Variants in LIPA observed in about 807,000 individuals in gnomAD.
The protein encoded by LIPA is lysosomal acid lipase/cholesteryl ester hydrolase.
LIPA carries 26 observed loss-of-function variants against 40.6 expected under a neutral mutation model. That is an observed-to-expected ratio of 0.64 (90% CI 0.47 to 0.89). The LOEUF (loss-of-function observed/expected upper bound fraction) is 0.89. Among genes scored for constraint, LIPA ranks in the 40% least tolerant of loss-of-function variants. The pLI is 0.00. For missense variants in LIPA, 455 were observed against 479.6 expected (o/e 0.95, Z 0.48); for synonymous variants, 188 against 168.4 (o/e 1.12, Z -0.90).
chr10:89,362,741 A>G, intron 2 of LIPA: 4 of 743,500 alleles, frequency 5.4e-6, no homozygotes, highest in Non-Finnish European at 6.3e-6. Context: ...ACTGTGAGGA[A>G]GGATGGGCCT....
intron 2 of LIPA, among the ~76,000 whole-genome samples, chr10:89,355,651 G>A (rs980885728): frequency 1.3e-5 from 2 of 152,204 alleles, no homozygotes; most frequent in Admixed American, 1.3e-4. Flanking sequence ...TAGGAGGTCA[G>A]GACAAGATAC....
chr10:89,385,370 A>G (rs1844203363), intron 2 of LIPA, among the ~76,000 whole-genome samples: 1 of 152,132 alleles, frequency 6.6e-6, no homozygotes, highest in South Asian at 2.1e-4. Context: ...CTGCGGCAGG[A>G]GCATCTATTC....
At chr10:89,408,747 T>C (rs188155904) in intron 2 of LIPA, among the ~76,000 whole-genome samples, 3 of 152,294 alleles carry the variant, frequency 2.0e-5, no homozygotes, top group Admixed American at 6.5e-5. Context: ...ATGCTAGTGG[T>C]AGATCAAACC....
intron 1 of LIPA, among the ~76,000 whole-genome samples, chr10:89,330,369 G>A (rs918164587): frequency 1.3e-5 from 2 of 152,210 alleles, no homozygotes; most frequent in African/African-American, 2.4e-5. Context: ...ATTAATGGAG[G>A]CACCAAACTC....
rs189367014 is a variant in LIPA at position 89,333,164 on chromosome 10, G to T, written c.-2+9447C>A. On this transcript the variant is annotated intron_variant, in intron 1 of 5. Coordinates refer to the LIPA transcript ENST00000282673. Reference sequence around the variant, plus strand: ...ATATGTCTACTTGAGTTGTCCTCTAGCAGGTCTAGTGACCTGCTAAGCCTC... The same window carrying T: ...ATATGTCTACTTGAGTTGTCCTCTATCAGGTCTAGTGACCTGCTAAGCCTC... Among the ~76,000 whole-genome samples the T allele has an allele frequency of 5.4e-3, 819 of 152,236 alleles. 1 individual carries two copies. The highest frequency in any genetic ancestry group is 0.011 in the Admixed American group (170 of 15,294).
rs11599571 is a variant in LIPA, at chr10:89,268,260, C to G, written c.-1-20611G>C. On this transcript the variant is annotated intron_variant, in intron 1 of 5. Coordinates refer to the LIPA transcript ENST00000282673. ...GTGCAAACTAGTGTAAGATTTTTAA[C>G]TTCTTCTTGAGTTAGAGTTCTCTTC... is the stretch of plus-strand genomic sequence containing the variant. 9.1e-3 allele frequency among the ~76,000 whole-genome samples: 1,391 copies of G among 152,328 alleles called. 13 individuals are homozygous for G. Among genetic ancestry groups the G allele is most frequent in the Middle Eastern group, 0.02 (6 of 294 alleles).
intron 1 of LIPA, among the ~76,000 whole-genome samples, chr10:89,293,825 T>G (rs1843392786): frequency 6.6e-6 from 1 of 152,182 alleles, no homozygotes; most frequent in Non-Finnish European, 1.5e-5. Context: ...TAACCTTAAA[T>G]ACCTCCTCAC....
At chr10:89,252,195 C>T (rs1467920465), upstream of LIPA, 1 of 152,202 alleles carries the variant, frequency 6.6e-6, no homozygotes, top group African/African-American at 2.4e-5. Context: ...CCATTTAAAG[C>T]GCTTATCATT....
intron 1 of LIPA, among the ~76,000 whole-genome samples, chr10:89,329,185 A>G (rs1843626506): frequency 6.6e-6 from 1 of 152,186 alleles, no homozygotes; most frequent in African/African-American, 2.4e-5. Flanking sequence ...GCAGAAAAGG[A>G]AAACTGGATT....
At chr10:89,298,425 A>G (rs530427588) in intron 1 of LIPA, among the ~76,000 whole-genome samples, 3 of 152,346 alleles carry the variant, frequency 2.0e-5, no homozygotes, top group Non-Finnish European at 4.4e-5. Flanking sequence ...ATCACAGCCA[A>G]ATAAATTGTA....
rs555434177 is a variant in LIPA, at chr10:89,403,102, A to T, written c.61+9689T>A. The T allele has an allele frequency of 1.5e-5, 25 of 1,614,188 alleles. No homozygotes were observed. The South Asian group carries it at 2.5e-4, about 16-fold the overall frequency. On this transcript the variant is annotated intron_variant, in intron 2 of 8. Transcript: ENST00000371837. ...GATAAAGCTCTTGAGTTATTAAAAA[A>T]GGCCTTGCAGGAAACACCCACTTCT...
chr10:89,234,799 C>T (rs985133066), intron 3 of LIPA, among the ~76,000 whole-genome samples: 2 of 152,254 alleles, frequency 1.3e-5, no homozygotes, highest in African/African-American at 4.8e-5. Context: ...TTGCTGAGAA[C>T]AGCTGATTGA....
intron 1 of LIPA, chr10:89,306,776 T>C: frequency 6.2e-7 from 1 of 1,614,126 alleles, no homozygotes; most frequent in Non-Finnish European, 8.5e-7. Context: ...TAAAAAGGCT[T>C]TAGAATACAT....
chr10:89,411,015 A>G (rs1194359710), intron 2 of LIPA, among the ~76,000 whole-genome samples: 1 of 152,274 alleles, frequency 6.6e-6, no homozygotes, highest in African/African-American at 2.4e-5. Context: ...TTTAAAAGCC[A>G]GGGTAAATTT....
At chr10:89,395,522 C>T (rs189056967) in intron 2 of LIPA, among the ~76,000 whole-genome samples, 8 of 152,218 alleles carry the variant, frequency 5.3e-5, no homozygotes, top group African/African-American at 7.2e-5. Flanking sequence ...GACCAACACA[C>T]TCAAACTCTT....
At chr10:89,339,293 T>C (rs1302459440) in intron 1 of LIPA, 2 of 1,614,128 alleles carry the variant, frequency 1.2e-6, no homozygotes, top group Admixed American at 3.3e-5. Context: ...AAGGTTCTCT[T>C]GGGCCTGAAA....
At chr10:89,408,117 A>G (rs1841439249) in intron 2 of LIPA, among the ~76,000 whole-genome samples, 1 of 152,186 alleles carries the variant, frequency 6.6e-6, no homozygotes, top group Non-Finnish European at 1.5e-5. Flanking sequence ...GAAAACACTC[A>G]GGTATCAACA....
chr10:89,344,887 T>C (rs1843905313), upstream of LIPA, among the ~76,000 whole-genome samples: 1 of 152,118 alleles, frequency 6.6e-6, no homozygotes, highest in South Asian at 2.1e-4. Flanking sequence ...GATATTGTAA[T>C]TGAATAGAGA....
chr10:89,221,176 T>C (rs1307365001), intron 8 of LIPA, among the ~76,000 whole-genome samples: 1 of 152,100 alleles, frequency 6.6e-6, no homozygotes, highest in African/African-American at 2.4e-5. Context: ...ATATATCAAA[T>C]TGTATACTTT....
Sources: gnomAD v4.1 joint callset for allele counts (sites outside exome capture counted in the v4.1 genomes callset) on GRCh38, gnomAD v4.1.1 for gene constraint, MANE v1.5 for transcripts, NCBI Gene and HGNC (gene_info 2026-07-23, HGNC 2026-07-21) for gene names.